TP63: variants seen among roughly 807,000 people sequenced by gnomAD.
TP63 encodes tumor protein 63.
TP63 carries 17 observed loss-of-function variants against 82.8 expected under a neutral mutation model. That is an observed-to-expected ratio of 0.21 (90% confidence interval 0.14 to 0.31). TP63 has a LOEUF of 0.31. Ranked by LOEUF, TP63 falls within the 10% of genes least tolerant of loss-of-function variation. The pLI is 1.00. For missense variants in TP63, 648 were observed against 895.3 expected, an observed-to-expected ratio of 0.72 and a Z score of 3.52; for synonymous variants, 330 against 321.7, an observed-to-expected ratio of 1.03 and a Z score of -0.28.
At chr3:189,818,295 T>C (rs1728412954) in intron 4 of TP63, among the ~76,000 whole-genome samples, 1 of 151,996 alleles carries the variant, frequency 6.6e-6, no homozygotes, top group Admixed American at 6.6e-5. Context: ...AAGTAAGTAA[T>C]AGATATGTTT....
At chr3:189,769,115 T>C (rs1723155054) in intron 3 of TP63, among the ~76,000 whole-genome samples, 1 of 152,186 alleles carries the variant, frequency 6.6e-6, no homozygotes, top group South Asian at 2.1e-4. Flanking sequence ...AAACCATGTA[T>C]ATAAAGTGCT....
At chr3:189,643,095 G>A (rs1237291894) in intron 1 of TP63, among the ~76,000 whole-genome samples, 1 of 151,892 alleles carries the variant, frequency 6.6e-6, no homozygotes, top group African/African-American at 2.4e-5. Flanking sequence ...TCTGCCTCCC[G>A]GGTTCAGGCA....
intron 3 of TP63, among the ~76,000 whole-genome samples, chr3:189,768,900 A>G (rs1006422057): frequency 3.9e-5 from 6 of 152,200 alleles, no homozygotes; most frequent in Admixed American, 2.6e-4. Flanking sequence ...AGGTATGTTC[A>G]CGAAGATGAC....
intron 3 of TP63, among the ~76,000 whole-genome samples, chr3:189,762,247 T>C (rs901814296): frequency 6.6e-6 from 1 of 152,202 alleles, no homozygotes; most frequent in Non-Finnish European, 1.5e-5. Flanking sequence ...CTTCAAAATA[T>C]GGCAAAGAAA....
chr3:189,643,398 G>A (rs1577164439), intron 1 of TP63, among the ~76,000 whole-genome samples: 1 of 151,608 alleles, frequency 6.6e-6, no homozygotes, highest in Non-Finnish European at 1.5e-5. Context: ...AAAACTTAGA[G>A]TTGCCCAGTT....
chr3:189,825,312 G>A (rs1391399367), intron 4 of TP63, among the ~76,000 whole-genome samples: 2 of 152,138 alleles, frequency 1.3e-5, no homozygotes, highest in Non-Finnish European at 2.9e-5. Flanking sequence ...CACCCTGTTG[G>A]AGTTTGAGCA....
chr3:189,659,972 T>C (rs1382083573), intron 1 of TP63, among the ~76,000 whole-genome samples: 1 of 151,980 alleles, frequency 6.6e-6, no homozygotes, highest in Non-Finnish European at 1.5e-5. Flanking sequence ...ATATATATAG[T>C]CTGTGAATAT....
chr3:189,633,949 T>C (rs181584079), intron 1 of TP63, among the ~76,000 whole-genome samples: 25 of 152,264 alleles, frequency 1.6e-4, no homozygotes, highest in Non-Finnish European at 2.2e-4. Flanking sequence ...TTTAACTGTT[T>C]GTCATGTGTT....
At chr3:189,870,048 C>G (rs1039451251) in intron 9 of TP63, among the ~76,000 whole-genome samples, 1 of 152,112 alleles carries the variant, frequency 6.6e-6, no homozygotes, top group Non-Finnish European at 1.5e-5. Context: ...TTTTTCTTAC[C>G]CTAATATTTA....
At chr3:189,807,288 G>A (rs912427073) in intron 3 of TP63, among the ~76,000 whole-genome samples, 6 of 152,206 alleles carry the variant, frequency 3.9e-5, no homozygotes, top group East Asian at 1.9e-4. Context: ...ATTCAGCACC[G>A]AAAGCCCCAG....
At chr3:189,812,701 A>G (rs370169048) in intron 4 of TP63, among the ~76,000 whole-genome samples, 3 of 152,208 alleles carry the variant, frequency 2.0e-5, no homozygotes, top group South Asian at 2.1e-4. Context: ...CTTCATGTAA[A>G]CATACCTATT....
In TP63 at chr3:189,866,788, G is replaced by T. The variant is rs777691114; in HGVS notation, c.873G>T (p.Glu291Asp). Residue 291 changes from glutamate to aspartate, a missense_variant, in exon 6 of 14, where the codon GAG becomes GAT. Physicochemically the swap from Glu to Asp is conservative, Grantham distance 45. Coordinates refer to ENST00000264731, the MANE Select transcript of TP63 (RefSeq NM_003722.5). ...TGRQSVLVPY[E>D]PPQVGTEFTT... ...GACAGAGTGTGCTGGTACCTTATGA[G>T]CCACCCCAGGTAAAAAGCAAAAAAC... 6.2e-7 allele frequency: 1 copy of T among 1,613,958 alleles called. No homozygotes were observed. Among genetic ancestry groups the T allele is most frequent in the East Asian group, 2.2e-5 (1 of 44,868 alleles).
At chr3:189,637,524 G>A (rs1729859101) in intron 1 of TP63, among the ~76,000 whole-genome samples, 1 of 152,118 alleles carries the variant, frequency 6.6e-6, no homozygotes, top group African/African-American at 2.4e-5. Flanking sequence ...TCCCAGAGTG[G>A]TTAAGTGTAT....
chr3:189,610,256 C>A, the TP63 span, among the ~76,000 whole-genome samples: 5 of 152,024 alleles, frequency 3.3e-5, no homozygotes, highest in African/African-American at 9.6e-5. Flanking sequence ...TTTTAAGTTT[C>A]TTATAGATGT....
chr3:189,736,000 G>A (rs1476739103), intron 1 of TP63, among the ~76,000 whole-genome samples: 1 of 151,494 alleles, frequency 6.6e-6, no homozygotes, highest in Non-Finnish European at 1.5e-5. Flanking sequence ...GGGTACATGG[G>A]ATCTCTCTGT....
chr3:189,748,758 G>A (rs898191162), intron 3 of TP63, among the ~76,000 whole-genome samples: 4 of 151,918 alleles, frequency 2.6e-5, no homozygotes, highest in African/African-American at 4.8e-5. Context: ...AAAACTGGAG[G>A]CATCTCACTA....
chr3:189,789,983 A>C (rs953174275), intron 3 of TP63: 7 of 773,832 alleles, frequency 9.0e-6, no homozygotes, highest in Middle Eastern at 3.7e-4. Context: ...TTTCTTGGTT[A>C]ATGTTTTCTG....
chr3:189,738,440 C>T (rs1181604088), intron 2 of TP63, among the ~76,000 whole-genome samples: 1 of 152,146 alleles, frequency 6.6e-6, no homozygotes, highest in Non-Finnish European at 1.5e-5. Flanking sequence ...CCTCATTTAA[C>T]AAGTGGGGGT....
the TP63 span, among the ~76,000 whole-genome samples, chr3:189,617,570 A>C: frequency 6.6e-6 from 1 of 152,218 alleles, no homozygotes; most frequent in African/African-American, 2.4e-5. Flanking sequence ...TTTAGGGGTC[A>C]TATTGAGTCA....
Sources: allele counts gnomAD v4.1 joint callset (sites outside exome capture counted in the v4.1 genomes callset), GRCh38; gene constraint gnomAD v4.1.1; transcripts MANE v1.5; gene names NCBI Gene and HGNC (gene_info 2026-07-23, HGNC 2026-07-21).